Variants in CLVS1 observed in about 807,000 individuals in gnomAD.
CLVS1 encodes the protein clavesin 1, also known as clavesin-1.
A neutral mutation model predicts 33.1 loss-of-function variants in CLVS1; 10 were observed. The observed-to-expected ratio is 0.30, with a 90% CI of 0.19 to 0.51. The LOEUF (loss-of-function observed/expected upper bound fraction) is 0.51, where lower values mean the gene tolerates loss of function less well. CLVS1 is among the 20% of genes least tolerant of loss of function. The pLI, the probability that CLVS1 is intolerant of heterozygous loss-of-function variation, is 0.97. For synonymous variants in CLVS1, 163 were observed against 166.1 expected (o/e 0.98, Z 0.14); for missense variants, 343 against 433.4 (o/e 0.79, Z 1.85).
At chr8:61,378,424 T>C (rs1477731087) in intron 3 of CLVS1, 1 of 152,198 alleles carries the variant, frequency 6.6e-6, no homozygotes, top group Non-Finnish European at 1.5e-5. Flanking sequence ...TAAAAGGTAA[T>C]GCTATATATA....
chr8:61,133,634 T>G (rs1806141048), intron 2 of CLVS1, among the ~76,000 whole-genome samples: 1 of 152,142 alleles, frequency 6.6e-6, no homozygotes, highest in South Asian at 2.1e-4. Flanking sequence ...CATAGCTGTG[T>G]ATCTCTGCCA....
At chr8:60,980,846 G>T in the CLVS1 span, among the ~76,000 whole-genome samples, 2 of 152,200 alleles carry the variant, frequency 1.3e-5, no homozygotes, top group Non-Finnish European at 2.9e-5. Flanking sequence ...CTTGAGATGA[G>T]ATCATCCTTT....
intron 2 of CLVS1, among the ~76,000 whole-genome samples, chr8:61,338,873 A>G (rs1443591836): frequency 6.6e-6 from 1 of 151,558 alleles, no homozygotes; most frequent in African/African-American, 2.4e-5. Context: ...CTTGCAGGGG[A>G]GCTCAGGCCC....
the CLVS1 span, among the ~76,000 whole-genome samples, chr8:61,036,613 G>A: frequency 2.3e-3 from 353 of 152,274 alleles, 3 homozygotes; most frequent in African/African-American, 7.7e-3. Context: ...TCCTTCCAGA[G>A]AACTGGTAGA....
chr8:61,298,911 C>A (rs1810320607), intron 1 of CLVS1, among the ~76,000 whole-genome samples: 1 of 152,102 alleles, frequency 6.6e-6, no homozygotes, highest in Non-Finnish European at 1.5e-5. Flanking sequence ...GATTTTTAAG[C>A]CCATATGGAC....
chr8:61,441,958 G>A (rs1219467392), intron 3 of CLVS1, among the ~76,000 whole-genome samples: 1 of 152,044 alleles, frequency 6.6e-6, no homozygotes, highest in Non-Finnish European at 1.5e-5. Context: ...GCACTTTTTG[G>A]TTTCTTTTTT....
intron 5 of CLVS1, among the ~76,000 whole-genome samples, chr8:61,480,536 G>A (rs973970943): frequency 6.6e-6 from 1 of 152,200 alleles, no homozygotes; most frequent in Non-Finnish European, 1.5e-5. Flanking sequence ...CTTCCCAGGT[G>A]AGGTGATGCC....
chr8:61,120,114 T>G, intron 1 of CLVS1, among the ~76,000 whole-genome samples: 1 of 148,166 alleles, frequency 6.7e-6, no homozygotes. Flanking sequence ...TCGCTTCATT[T>G]CATTCATTTC....
chr8:61,495,526 A>T (rs1385542288), intron 5 of CLVS1, among the ~76,000 whole-genome samples: 1 of 152,252 alleles, frequency 6.6e-6, no homozygotes, highest in Non-Finnish European at 1.5e-5. Flanking sequence ...CAAAAGTCCC[A>T]GATAATCATT....
intron 1 of CLVS1, among the ~76,000 whole-genome samples, chr8:61,061,799 G>C (rs543681616): frequency 1.4e-4 from 21 of 151,794 alleles, no homozygotes; most frequent in Admixed American, 3.3e-4. Context: ...AACTGGCTTA[G>C]TCAAAAAAGG....
intron 5 of CLVS1, among the ~76,000 whole-genome samples, chr8:61,486,898 C>G (rs1022518475): frequency 6.6e-6 from 1 of 152,082 alleles, no homozygotes; most frequent in South Asian, 2.1e-4. Flanking sequence ...GTCCTGTGGC[C>G]CAGCACCTAA....
intron 2 of CLVS1, among the ~76,000 whole-genome samples, chr8:61,371,855 T>A (rs942731502): frequency 6.6e-6 from 1 of 152,210 alleles, no homozygotes; most frequent in Non-Finnish European, 1.5e-5. Context: ...CACAGTATAA[T>A]GATGAAACCC....
chr8:61,166,412 G>C (rs916436415), intron 2 of CLVS1, among the ~76,000 whole-genome samples: 3 of 152,076 alleles, frequency 2.0e-5, no homozygotes, highest in Non-Finnish European at 2.9e-5. Flanking sequence ...GGGATTACAC[G>C]TGTGAGCCAC....
At chr8:60,976,863 G>C in the CLVS1 span, among the ~76,000 whole-genome samples, 2 of 152,220 alleles carry the variant, frequency 1.3e-5, no homozygotes, top group South Asian at 4.1e-4. Flanking sequence ...CAAAAATTGG[G>C]GTTGTGTGTT....
chr8:61,052,528 TA>T (rs1230588667), upstream of CLVS1, among the ~76,000 whole-genome samples: 5 of 31,476 alleles, frequency 1.6e-4, no homozygotes, highest in Admixed American at 1.6e-3. Flanking sequence ...AAAAGAGGAC[TA>T]GGGAGGGAGT....
intron 2 of CLVS1, among the ~76,000 whole-genome samples, chr8:61,174,866 TTACTC>T (rs1338180896): frequency 1.3e-5 from 2 of 152,240 alleles, no homozygotes; most frequent in East Asian, 3.9e-4. Flanking sequence ...TCCCTTATCA[TTACTC>T]TATTCTATAA....
At chr8:61,194,525 A>C (rs1404652227) in intron 2 of CLVS1, among the ~76,000 whole-genome samples, 3 of 152,000 alleles carry the variant, frequency 2.0e-5, no homozygotes, top group Non-Finnish European at 4.4e-5. Flanking sequence ...TCAACATGAG[A>C]ATTTAGCAAT....
intron 1 of CLVS1, among the ~76,000 whole-genome samples, chr8:61,100,168 T>C (rs1805422864): frequency 6.6e-6 from 1 of 152,174 alleles, no homozygotes; most frequent in Non-Finnish European, 1.5e-5. Flanking sequence ...AGAATTTAAC[T>C]AAAAAGATGA....
At chr8:61,174,044 G>A (rs940760272) in intron 2 of CLVS1, among the ~76,000 whole-genome samples, 3 of 152,108 alleles carry the variant, frequency 2.0e-5, no homozygotes, top group Middle Eastern at 3.2e-3. Flanking sequence ...CTCTAGTCCT[G>A]TCTGACAAAT....
Sources: gnomAD v4.1 joint callset for allele counts (sites outside exome capture counted in the v4.1 genomes callset) on GRCh38, gnomAD v4.1.1 for gene constraint, MANE v1.5 for transcripts, NCBI Gene and HGNC (gene_info 2026-07-23, HGNC 2026-07-21) for gene names.